Variants in TAFA1 observed in about 807,000 individuals in gnomAD.
TAFA1 encodes TAFA chemokine like family member 1, also known as chemokine-like protein TAFA-1.
Under a neutral mutation model 18.5 loss-of-function variants are expected in TAFA1, and 4 were observed. The observed-to-expected ratio is 0.22, with a 90% confidence interval of 0.11 to 0.49. The LOEUF (loss-of-function observed/expected upper bound fraction) is 0.49, where lower values mean the gene tolerates loss of function less well. TAFA1 is among the 20% of genes least tolerant of loss of function. TAFA1 has a pLI of 0.98. For missense variants in TAFA1, 147 were observed against 169.0 expected (o/e 0.87, Z 0.72); for synonymous variants, 56 against 55.2 (o/e 1.01, Z -0.06).
chr3:68,072,266 G>A (rs1559726092), intron 2 of TAFA1, among the ~76,000 whole-genome samples: 1 of 152,168 alleles, frequency 6.6e-6, no homozygotes, highest in African/African-American at 2.4e-5. Context: ...GATATCATGA[G>A]CAACAGCACA....
At chr3:68,267,549 T>C (rs986262785) in intron 2 of TAFA1, among the ~76,000 whole-genome samples, 4 of 152,188 alleles carry the variant, frequency 2.6e-5, no homozygotes, top group African/African-American at 9.6e-5. Context: ...ATTGGTGCCC[T>C]GATTCAAGTA....
intron 2 of TAFA1, among the ~76,000 whole-genome samples, chr3:68,165,460 A>G (rs112816534): frequency 1.0e-3 from 152 of 152,374 alleles, no homozygotes; most frequent in African/African-American, 3.4e-3. Context: ...TATGAAGTAT[A>G]TAGAAGCAGC....
At chr3:68,055,178 G>A (rs2064518437) in intron 2 of TAFA1, among the ~76,000 whole-genome samples, 1 of 152,080 alleles carries the variant, frequency 6.6e-6, no homozygotes, top group African/African-American at 2.4e-5. Context: ...TTAATCCCCT[G>A]AAGAAACTCT....
chr3:68,243,666 T>C (rs530616888), intron 2 of TAFA1, among the ~76,000 whole-genome samples: 4 of 152,320 alleles, frequency 2.6e-5, no homozygotes, highest in African/African-American at 9.6e-5. Flanking sequence ...TTCAGAGTTA[T>C]GGATGGACCA....
chr3:68,179,589 C>G (rs975794591), intron 2 of TAFA1, among the ~76,000 whole-genome samples: 3 of 152,088 alleles, frequency 2.0e-5, no homozygotes, highest in African/African-American at 7.2e-5. Context: ...AAGCACTTAT[C>G]TAGTGATTTA....
chr3:68,149,318 A>G (rs1384502635), intron 2 of TAFA1, among the ~76,000 whole-genome samples: 1 of 152,236 alleles, frequency 6.6e-6, no homozygotes, highest in Non-Finnish European at 1.5e-5. Flanking sequence ...TCACAGATAA[A>G]TAAATTGAAA....
At chr3:68,259,973 T>C (rs1162854416) in intron 2 of TAFA1, among the ~76,000 whole-genome samples, 1 of 151,988 alleles carries the variant, frequency 6.6e-6, no homozygotes, top group Non-Finnish European at 1.5e-5. Context: ...TCCAACACTA[T>C]GTTGAATAGG....
At chr3:68,297,736 AT>A (rs374934858) in intron 2 of TAFA1, among the ~76,000 whole-genome samples, 247 of 145,442 alleles carry the variant, frequency 1.7e-3, no homozygotes, top group East Asian at 3.2e-3. Context: ...CTGATCATTC[AT>A]TTTTTTTTTT....
chr3:68,222,016 G>C (rs766583749), intron 2 of TAFA1, among the ~76,000 whole-genome samples: 6 of 152,142 alleles, frequency 3.9e-5, no homozygotes, highest in Non-Finnish European at 5.9e-5. Context: ...ATAACTGTTG[G>C]ATCTGAGCAG....
intron 2 of TAFA1, among the ~76,000 whole-genome samples, chr3:68,059,049 T>C (rs889440885): frequency 2.6e-5 from 4 of 152,168 alleles, no homozygotes; most frequent in East Asian, 1.9e-4. Context: ...ATGGTATAAA[T>C]GATATCAAAG....
At chr3:68,293,301 TG>T (rs2068146841) in intron 2 of TAFA1, among the ~76,000 whole-genome samples, 1 of 152,072 alleles carries the variant, frequency 6.6e-6, no homozygotes, top group South Asian at 2.1e-4. Context: ...CTCTAGATGA[TG>T]GGTTGATAGG....
intron 2 of TAFA1, among the ~76,000 whole-genome samples, chr3:68,099,209 G>T (rs959447726): frequency 3.9e-5 from 6 of 152,064 alleles, no homozygotes; most frequent in Admixed American, 3.9e-4. Flanking sequence ...TATCAATAGA[G>T]TAAACAGATA....
At chr3:68,228,036 G>C (rs947599775) in intron 2 of TAFA1, among the ~76,000 whole-genome samples, 4 of 152,122 alleles carry the variant, frequency 2.6e-5, no homozygotes, top group Non-Finnish European at 5.9e-5. Flanking sequence ...TTGTAGCTGA[G>C]CCCTCAGGAT....
intron 2 of TAFA1, among the ~76,000 whole-genome samples, chr3:68,253,892 G>A (rs751097561): frequency 7.2e-5 from 11 of 152,166 alleles, no homozygotes; most frequent in Non-Finnish European, 1.5e-4. Flanking sequence ...TCATTATTGT[G>A]TGACATTAGT....
intron 3 of TAFA1, among the ~76,000 whole-genome samples, chr3:68,470,092 T>C (rs2071968538): frequency 6.6e-6 from 1 of 152,194 alleles, no homozygotes; most frequent in Non-Finnish European, 1.5e-5. Flanking sequence ...TCCTATACTG[T>C]TCTCATGGTA....
At chr3:68,397,723 C>T (rs1477456342) in intron 2 of TAFA1, among the ~76,000 whole-genome samples, 1 of 152,140 alleles carries the variant, frequency 6.6e-6, no homozygotes, top group Non-Finnish European at 1.5e-5. Context: ...GTTCTAGATC[C>T]TTGAAGAATT....
intron 2 of TAFA1, among the ~76,000 whole-genome samples, chr3:68,172,109 C>T (rs972186634): frequency 6.6e-6 from 1 of 152,118 alleles, no homozygotes; most frequent in Admixed American, 6.6e-5. Context: ...TGAAGCAGTT[C>T]AACGAATTCC....
intron 2 of TAFA1, among the ~76,000 whole-genome samples, chr3:68,063,858 A>G (rs562865389): frequency 9.2e-5 from 14 of 152,320 alleles, no homozygotes; most frequent in Non-Finnish European, 1.5e-4. Context: ...CCATGGCACA[A>G]GGAAAGTTAG....
intron 3 of TAFA1, among the ~76,000 whole-genome samples, chr3:68,491,062 C>T (rs1409928559): frequency 6.6e-6 from 1 of 152,056 alleles, no homozygotes; most frequent in Non-Finnish European, 1.5e-5. Flanking sequence ...TGGTCTTAAA[C>T]TCCCAGGCTC....
Sources: allele counts gnomAD v4.1 joint callset (sites outside exome capture counted in the v4.1 genomes callset), GRCh38; gene constraint gnomAD v4.1.1; transcripts MANE v1.5; gene names NCBI Gene and HGNC (gene_info 2026-07-23, HGNC 2026-07-21).